The following DDX11 variants were observed in gnomAD, a reference collection of about 807,000 sequenced individuals.
DDX11 encodes the protein ATP-dependent DNA helicase DDX11.
Under a neutral mutation model 125.2 loss-of-function variants are expected in DDX11, and 72 were observed. The observed-to-expected ratio is 0.58, with a 90% CI of 0.48 to 0.70. The LOEUF (loss-of-function observed/expected upper bound fraction) is 0.70, where lower values mean the gene tolerates loss of function less well. Among genes scored for constraint, DDX11 ranks in the 30% least tolerant of loss-of-function variants. The pLI is 0.00. For missense variants in DDX11, 883 were observed against 1,165.0 expected (o/e 0.76, Z 3.52); for synonymous variants, 347 against 452.6 (o/e 0.77, Z 2.96).
rs554531919 is a variant in DDX11, at chr12:31,085,096, A to G, written c.608A>G (p.Glu203Gly). The change falls in exon 5 of 27, where the codon GAG (glutamate) becomes GGG (glycine). Residue 203 changes from glutamate (E) to glycine (G), a missense_variant. Coordinates refer to ENST00000542838, the MANE Select transcript of DDX11 (RefSeq NM_030653.4). ...GEEELVLAEYESDEEKKVASR... is the reference protein window; with the variant it reads ...GEEELVLAEYGSDEEKKVASR... The stretch of plus-strand genomic sequence containing the variant: ...GAGGAGCTGGTCCTCGCCGAATACG[A>G]GAGTGATGAGGAGAAAAAGGTGGCG... 3.2e-6 allele frequency: 5 copies of G among 1,581,062 alleles called. No homozygotes were observed. In the South Asian group the frequency reaches 5.8e-5, roughly 18 times the overall value.
At chr12:31,103,088 A>C (rs1243843925) in intron 24 of DDX11, 68 bp downstream of exon 24, 4 of 1,561,284 alleles carry the variant, frequency 2.6e-6, no homozygotes, top group Non-Finnish European at 3.5e-6. Context: ...CATCACCCCC[A>C]GGGCTGATAC....
chr12:31,097,933 T>C lies in DDX11; in HGVS notation c.1811T>C (p.Val604Ala). The change falls in exon 18 of 27, where the codon GTG becomes GCG. Residue 604 changes from valine to alanine, a missense_variant. Transcript: ENST00000542838. ...TLKFLLLNPA[V>A]HFAQVVKECR... is the part of the protein sequence containing the mutation. ...AAGTTTTTGCTCCTGAATCCAGCTG[T>C]GCACTTTGCCCAAGTGGTGAAGGAA... 6.2e-7 allele frequency: 1 copy of C among 1,613,842 alleles called. No individual in the cohort carries two copies. Among genetic ancestry groups the C allele is most frequent in the South Asian group, 1.1e-5 (1 of 91,074 alleles).
At chr12:31,075,822 GAATA>G (rs1169866090) in intron 1 of DDX11, among the ~76,000 whole-genome samples, 2 of 152,228 alleles carry the variant, frequency 1.3e-5, no homozygotes, top group African/African-American at 2.4e-5. Flanking sequence ...CAGTGAGGAA[GAATA>G]AATAGGTTCA....
intron 17 of DDX11, 132 bp from the exon 18 acceptor site, chr12:31,097,753 T>C (rs1383550146): frequency 3.0e-6 from 2 of 675,662 alleles, no homozygotes; most frequent in Non-Finnish European, 5.5e-6. Context: ...AGAGATTAAA[T>C]GGTGTTTAAT....
chr12:31,080,445 G>T (rs143082531), intron 2 of DDX11, among the ~76,000 whole-genome samples: 80 of 152,318 alleles, frequency 5.3e-4, no homozygotes, highest in Admixed American at 1.8e-3. Flanking sequence ...CAAGGAGCAG[G>T]AGCAGGGATT....
chr12:31,102,408 G>T lies in DDX11; in HGVS notation c.2272-19G>T, dbSNP rs137923887. Reference sequence around the variant, plus strand: ...CCAAGTTTTGGCTCAGCAACTCAGCGTCTGGGTTTCTCCTACAGGCCTGTG... The same window carrying T: ...CCAAGTTTTGGCTCAGCAACTCAGCTTCTGGGTTTCTCCTACAGGCCTGTG... On this transcript the variant is annotated intron_variant, in intron 22 of 26. Coordinates refer to ENST00000542838, the MANE Select transcript of DDX11 (RefSeq NM_030653.4). 6.8e-6 allele frequency: 11 copies of T among 1,611,964 alleles called. No individual in the cohort carries two copies. Among genetic ancestry groups the T allele is most frequent in the African/African-American group, 1.3e-5 (1 of 74,860 alleles).
intron 2 of DDX11, among the ~76,000 whole-genome samples, chr12:31,079,007 T>A (rs546262157): frequency 1.3e-5 from 2 of 152,126 alleles, no homozygotes; most frequent in Admixed American, 6.5e-5. Flanking sequence ...AACATAGCTC[T>A]GTGGTCTGAG....
intron 8 of DDX11, 136 bp downstream of exon 8, chr12:31,089,626 T>C: frequency 9.4e-7 from 1 of 1,067,742 alleles, no homozygotes; most frequent in Non-Finnish European, 1.4e-6. Flanking sequence ...GAGTCCCCTC[T>C]CCTTGGGAAA....
At chr12:31,074,850 G>A (rs1362509969) in intron 1 of DDX11, among the ~76,000 whole-genome samples, 1 of 152,192 alleles carries the variant, frequency 6.6e-6, no homozygotes, top group Non-Finnish European at 1.5e-5. Flanking sequence ...GGTCAGCCCC[G>A]GCTGCCATGA....
chr12:31,102,835 G>A, intron 23 of DDX11, 101 bp from the exon 24 acceptor site: 3 of 961,022 alleles, frequency 3.1e-6, no homozygotes, highest in Middle Eastern at 2.7e-4. Context: ...ATCACAGTCG[G>A]AGAGGCTGAG....
chr12:31,092,915 A>T (rs771062953), intron 11 of DDX11, 23 bp downstream of exon 11: 4 of 1,613,800 alleles, frequency 2.5e-6, no homozygotes, highest in Non-Finnish European at 2.5e-6. Context: ...CCTCTGAGGT[A>T]GTGGGACAGT....
chr12:31,099,079 TC>T (rs1592786524), intron 18 of DDX11, among the ~76,000 whole-genome samples: 3 of 110,800 alleles, frequency 2.7e-5, no homozygotes, highest in East Asian at 4.1e-4. Flanking sequence ...TTTCTTTCTT[TC>T]TTTCTTTTTT....
At chr12:31,091,936 C>G (rs1386657505) in intron 10 of DDX11, 65 bp downstream of exon 10, 16 of 1,606,486 alleles carry the variant, frequency 1.0e-5, no homozygotes, top group Non-Finnish European at 1.2e-5. Context: ...GATGGTTCCT[C>G]CAGACACCTG....
intron 5 of DDX11, among the ~76,000 whole-genome samples, chr12:31,085,544 G>A (rs1232546203): frequency 2.6e-5 from 4 of 152,230 alleles, no homozygotes; most frequent in Non-Finnish European, 5.9e-5. Flanking sequence ...CCATCAAGGC[G>A]TCCTTAGCCT....
intron 5 of DDX11, among the ~76,000 whole-genome samples, chr12:31,085,851 T>C (rs970488412): frequency 7.9e-5 from 12 of 151,960 alleles, no homozygotes; most frequent in African/African-American, 2.7e-4. Context: ...CATGTTTGCC[T>C]ACAAGGAAAA....
At position 31,104,064 on chromosome 12, in the gene DDX11, C is replaced by G. The variant is rs1242659026; in HGVS notation, c.*228C>G. On this transcript the variant is annotated 3_prime_UTR_variant, in exon 27 of 27. Coordinates refer to ENST00000542838, the MANE Select transcript of DDX11 (RefSeq NM_030653.4). The stretch of plus-strand genomic sequence containing the variant: ...GGGTCCTGGCTGTCCTTGGGGCGTT[C>G]CAGGGCAGCTCCCCTCCTGGAATAG... 3.6e-5 allele frequency: 55 copies of G among 1,539,646 alleles called. No homozygotes were observed. Among genetic ancestry groups the G allele is most frequent in the Non-Finnish European group, 4.8e-5 (55 of 1,140,732 alleles).
chr12:31,077,750 A>G (rs1168730023), intron 1 of DDX11, among the ~76,000 whole-genome samples: 2 of 151,684 alleles, frequency 1.3e-5, no homozygotes, highest in African/African-American at 4.8e-5. Context: ...AGGCTGAGGC[A>G]GGAGAATGGT....
chr12:31,100,641 G>C lies in DDX11; in HGVS notation c.1882G>C (p.Asp628His). The change falls in exon 19 of 27, where the codon GAC becomes CAC. Residue 628 changes from aspartate (D) to histidine (H), a missense_variant. Physicochemically the swap from Asp to His is moderately conservative, Grantham distance 81. This residue lies in a region of DDX11 where 241 missense variants were observed against 279.7 expected (regional missense o/e 0.86). Transcript: ENST00000542838. ...CTGTGGCCTTGGTCTACAGGTGTCT[G>C]ACTTCCGGCAGCAGCTGCTGGCCTG... ...IAGGTMQPVS[D>H]FRQQLLACAG... 1.3e-6 allele frequency: 2 copies of C among 1,552,600 alleles called. No homozygotes were observed. Among genetic ancestry groups the C allele is most frequent in the Non-Finnish European group, 8.7e-7 (1 of 1,147,264 alleles).
intron 1 of DDX11, among the ~76,000 whole-genome samples, chr12:31,077,618 C>A (rs1184608393): frequency 6.6e-6 from 1 of 151,866 alleles, no homozygotes; most frequent in Non-Finnish European, 1.5e-5. Context: ...GAGGCCAAGG[C>A]GGGCGGATCA....
Sources: allele counts gnomAD v4.1 joint callset (sites outside exome capture counted in the v4.1 genomes callset), GRCh38; gene constraint gnomAD v4.1.1; regional missense constraint gnomAD v4.1.1; transcripts MANE v1.5; gene names NCBI Gene and HGNC (gene_info 2026-07-23, HGNC 2026-07-21).